Variants in OR4N2 observed in about 807,000 individuals in gnomAD.
OR4N2 encodes the protein olfactory receptor family 4 subfamily N member 2.
For missense variants in OR4N2, 307 were observed against 377.6 expected, an observed-to-expected ratio of 0.81 and a Z score of 1.55; for synonymous variants, 141 against 140.4, an observed-to-expected ratio of 1.00 and a Z score of -0.03.
At chr14:19,807,806 C>T (rs1205213120) in intron 1 of OR4N2, among the ~76,000 whole-genome samples, 2 of 152,136 alleles carry the variant, frequency 1.3e-5, no homozygotes, top group Non-Finnish European at 2.9e-5. Flanking sequence ...GGCCAATATC[C>T]CTGATGAATA....
chr14:19,816,551 C>T (rs150597740), intron 1 of OR4N2, among the ~76,000 whole-genome samples: 17,199 of 149,948 alleles, frequency 0.11, 587 homozygotes, highest in South Asian at 0.24. Flanking sequence ...TTTTGTATCC[C>T]GAGACTTTGC....
intron 1 of OR4N2, among the ~76,000 whole-genome samples, chr14:19,808,835 TA>T (rs201009345): frequency 0.02 from 2,495 of 126,898 alleles, 33 homozygotes; most frequent in African/African-American, 0.063. Context: ...AAAAAAAAAG[TA>T]AAAAAAATGA....
chr14:19,812,066 A>C (rs1470589152), intron 1 of OR4N2, among the ~76,000 whole-genome samples: 5 of 152,224 alleles, frequency 3.3e-5, no homozygotes, highest in Non-Finnish European at 7.3e-5. Flanking sequence ...TTTACAAGGA[A>C]ATTTATCAAG....
chr14:19,811,609 C>A (rs1879298975), intron 1 of OR4N2, among the ~76,000 whole-genome samples: 1 of 152,218 alleles, frequency 6.6e-6, no homozygotes, highest in South Asian at 2.1e-4. Context: ...AAAGTTGTGA[C>A]CAGATGGGAT....
intron 1 of OR4N2, among the ~76,000 whole-genome samples, chr14:19,820,212 G>A (rs1320361117): frequency 5.3e-5 from 8 of 152,248 alleles, no homozygotes; most frequent in African/African-American, 7.2e-5. Context: ...GAGTTCAAGC[G>A]CTTTGCTGGG....
chr14:19,814,911 A>G (rs1387482033), intron 1 of OR4N2, among the ~76,000 whole-genome samples: 1 of 152,110 alleles, frequency 6.6e-6, no homozygotes, highest in Non-Finnish European at 1.5e-5. Flanking sequence ...TAAGAGTGAG[A>G]ACATGTGGTG....
At chr14:19,819,640 T>C (rs1244113859) in intron 1 of OR4N2, among the ~76,000 whole-genome samples, 1 of 152,270 alleles carries the variant, frequency 6.6e-6, no homozygotes, top group Non-Finnish European at 1.5e-5. Flanking sequence ...CATGCTCCTT[T>C]AGCTCAGAGG....
intron 1 of OR4N2, among the ~76,000 whole-genome samples, chr14:19,818,051 A>G (rs1375697678): frequency 1.9e-4 from 29 of 152,296 alleles, no homozygotes; most frequent in Admixed American, 9.8e-4. Context: ...GGTCTGAGAG[A>G]CTATTTGTTA....
intron 1 of OR4N2, among the ~76,000 whole-genome samples, chr14:19,811,916 T>G (rs963349050): frequency 1.3e-5 from 2 of 152,292 alleles, no homozygotes; most frequent in African/African-American, 4.8e-5. Context: ...CTCTCACCAC[T>G]TCTATTCAAC....
chr14:19,804,548 T>C (rs1879117264), intron 1 of OR4N2, among the ~76,000 whole-genome samples: 2 of 152,242 alleles, frequency 1.3e-5, no homozygotes, highest in Non-Finnish European at 2.9e-5. Context: ...TATTGCATTG[T>C]AATCTGAGAA....
At chr14:19,810,633 T>C (rs1371250414) in intron 1 of OR4N2, among the ~76,000 whole-genome samples, 42 of 152,148 alleles carry the variant, frequency 2.8e-4, no homozygotes, top group African/African-American at 1.0e-3. Flanking sequence ...TGGAATACTA[T>C]GTAGCCATAA....
chr14:19,812,333 T>C lies in OR4N2; in HGVS notation c.-10+8489T>C, dbSNP rs868484617. 8.4e-5 allele frequency among the ~76,000 whole-genome samples: 12 copies of C among 142,884 alleles called. No homozygotes were observed. In the Middle Eastern group the frequency reaches 0.011, roughly 131 times the overall value. 93.7% of individuals were successfully genotyped at this position (142,884 alleles called of 152,430 possible). ...TTTTTTCTTTTCTTTTCTTTTCTTTTTTTTTTTTTTTGAGACAGAGTCTCG... is the reference window on the plus strand; with the variant it reads ...TTTTTTCTTTTCTTTTCTTTTCTTTCTTTTTTTTTTTGAGACAGAGTCTCG... On this transcript the variant is annotated intron_variant, in intron 1 of 1. Transcript: ENST00000557677.
chr14:19,825,587 G>A (rs141952479), intron 1 of OR4N2, among the ~76,000 whole-genome samples: 3,559 of 151,310 alleles, frequency 0.024, 37 homozygotes, highest in East Asian at 0.073. Flanking sequence ...ACGGAGTCTC[G>A]CTCTGTCGCC....
chr14:19,816,465 G>A (rs1879430514), intron 1 of OR4N2, among the ~76,000 whole-genome samples: 1 of 152,226 alleles, frequency 6.6e-6, no homozygotes, highest in Admixed American at 6.5e-5. Context: ...TAGCAATTGT[G>A]AATGGGAGTT....
intron 1 of OR4N2, 107 bp from the exon 2 acceptor site, chr14:19,827,332 GT>G: frequency 1.0e-6 from 1 of 965,744 alleles, no homozygotes; most frequent in South Asian, 1.8e-5. Context: ...GGGAAATGTT[GT>G]TTTTAGCTGA....
intron 1 of OR4N2, among the ~76,000 whole-genome samples, chr14:19,816,643 T>G (rs531320732): frequency 2.5e-4 from 38 of 152,338 alleles, no homozygotes; most frequent in African/African-American, 8.2e-4. Flanking sequence ...TCTGCAAACT[T>G]TGACAATTTA....
chr14:19,803,946 T>C (rs1686560), intron 1 of OR4N2, 102 bp downstream of exon 1: 12,516 of 149,734 alleles, frequency 0.084, 103 homozygotes, highest in East Asian at 0.18. Context: ...TGTATGTTTC[T>C]AATAATTTAT....
intron 1 of OR4N2, among the ~76,000 whole-genome samples, chr14:19,810,303 G>A (rs1279589839): frequency 6.6e-6 from 1 of 152,200 alleles, no homozygotes; most frequent in African/African-American, 2.4e-5. Context: ...CCAACTCACA[G>A]CAGTGAGAAT....
chr14:19,824,185 A>T (rs2318282), intron 1 of OR4N2, among the ~76,000 whole-genome samples: 42,079 of 148,804 alleles, frequency 0.28, 2,959 homozygotes, highest in African/African-American at 0.33. Flanking sequence ...ATGCCATCAT[A>T]TATGGATTTT....
Sources: gnomAD v4.1 joint callset for allele counts (sites outside exome capture counted in the v4.1 genomes callset) on GRCh38, gnomAD v4.1.1 for gene constraint, MANE v1.5 for transcripts, NCBI Gene and HGNC (gene_info 2026-07-23, HGNC 2026-07-21) for gene names.